The following EDIL3 variants were observed in gnomAD, a reference collection of about 807,000 sequenced individuals.
EDIL3 encodes the protein EGF-like repeat and discoidin I-like domain-containing protein 3.
Under a neutral mutation model 67.4 loss-of-function variants are expected in EDIL3, and 37 were observed. The ratio of observed to expected loss-of-function variants is 0.55; its 90% CI spans 0.42 to 0.72. EDIL3 has a LOEUF of 0.72. Ranked by LOEUF, EDIL3 falls within the 30% of genes least tolerant of loss-of-function variation. The probability of loss-of-function intolerance (pLI) is 0.00; values close to 1 mark genes in which losing one functional copy is unlikely to be tolerated. For synonymous variants in EDIL3, 195 were observed against 196.3 expected (o/e 0.99, Z 0.05); for missense variants, 527 against 586.3 (o/e 0.90, Z 1.04).
At chr5:84,173,603 C>T (rs944581610) in intron 4 of EDIL3, among the ~76,000 whole-genome samples, 1 of 152,112 alleles carries the variant, frequency 6.6e-6, no homozygotes, top group Non-Finnish European at 1.5e-5. Context: ...GTGGCTTCTC[C>T]ATCTGTGGAA....
intron 4 of EDIL3, among the ~76,000 whole-genome samples, chr5:84,161,261 T>C (rs1263427144): frequency 2.0e-5 from 3 of 152,054 alleles, no homozygotes; most frequent in Non-Finnish European, 4.4e-5. Context: ...GTTAAATAGA[T>C]AAACTGTTCC....
chr5:84,142,144 T>C (rs1447139361), intron 4 of EDIL3, among the ~76,000 whole-genome samples: 1 of 149,952 alleles, frequency 6.7e-6, no homozygotes, highest in Admixed American at 7.0e-5. Flanking sequence ...TGAAATTGAC[T>C]TTGGAGTGGT....
chr5:84,101,473 A>C (rs1747364783), intron 6 of EDIL3, among the ~76,000 whole-genome samples: 2 of 152,086 alleles, frequency 1.3e-5, no homozygotes, highest in Non-Finnish European at 2.9e-5. Flanking sequence ...AAAAGGGAGA[A>C]GATCCAAATA....
chr5:84,242,793 T>TAAAAA (rs373595978), intron 2 of EDIL3, among the ~76,000 whole-genome samples: 34 of 120,828 alleles, frequency 2.8e-4, no homozygotes, highest in African/African-American at 9.2e-4. Context: ...GACCCTATCT[T>TAAAAA]AAAAAAAAAA....
intron 5 of EDIL3, among the ~76,000 whole-genome samples, chr5:84,132,515 ATT>A (rs1491367970): frequency 5.5e-5 from 1 of 18,150 alleles, no homozygotes; most frequent in African/African-American, 1.6e-4. Flanking sequence ...TATAATATAT[ATT>A]TTAATATATA....
At chr5:84,206,185 A>T (rs1408722155) in intron 3 of EDIL3, among the ~76,000 whole-genome samples, 1 of 152,156 alleles carries the variant, frequency 6.6e-6, no homozygotes, top group African/African-American at 2.4e-5. Flanking sequence ...GTAGTCATTC[A>T]GGAGCAGGTT....
intron 1 of EDIL3, among the ~76,000 whole-genome samples, chr5:84,364,266 G>A (rs745706191): frequency 2.6e-5 from 4 of 152,048 alleles, no homozygotes; most frequent in Admixed American, 1.3e-4. Flanking sequence ...GAGAAGCTAC[G>A]GTCTCTATTT....
intron 9 of EDIL3, 108 bp downstream of exon 9, chr5:84,060,192 C>A: frequency 7.7e-7 from 1 of 1,291,820 alleles, no homozygotes; most frequent in Non-Finnish European, 1.1e-6. Context: ...AAGATGAAGG[C>A]ACATTTAAAT....
chr5:84,322,418 C>T (rs1746667504), intron 1 of EDIL3, among the ~76,000 whole-genome samples: 1 of 151,684 alleles, frequency 6.6e-6, no homozygotes, highest in Non-Finnish European at 1.5e-5. Flanking sequence ...ATGAAAAGTA[C>T]AATAACAGAA....
At chr5:84,025,633 T>C (rs1158170) in intron 9 of EDIL3, among the ~76,000 whole-genome samples, 171 of 152,260 alleles carry the variant, frequency 1.1e-3, no homozygotes, top group African/African-American at 3.4e-3. Flanking sequence ...ACCAAAAAGG[T>C]TGGGGTCCAC....
At chr5:84,247,082 T>G (rs1159156441) in intron 2 of EDIL3, among the ~76,000 whole-genome samples, 4 of 152,162 alleles carry the variant, frequency 2.6e-5, no homozygotes, top group Non-Finnish European at 2.9e-5. Flanking sequence ...GGAAAATTTC[T>G]TAGCAATCAT....
chr5:84,332,924 CAG>C (rs1258284370), intron 1 of EDIL3, among the ~76,000 whole-genome samples: 1 of 152,128 alleles, frequency 6.6e-6, no homozygotes, highest in Admixed American at 6.6e-5. Flanking sequence ...TAGTTTTTGA[CAG>C]GGGAAAAATT....
chr5:84,054,486 G>C (rs1409652680), intron 9 of EDIL3, among the ~76,000 whole-genome samples: 2 of 152,098 alleles, frequency 1.3e-5, no homozygotes, highest in Non-Finnish European at 1.5e-5. Flanking sequence ...AAGAAATAAA[G>C]GGTATTCAAT....
chr5:84,073,357 AAGG>A (rs1161605548), intron 6 of EDIL3, among the ~76,000 whole-genome samples: 2 of 152,100 alleles, frequency 1.3e-5, no homozygotes, highest in Non-Finnish European at 2.9e-5. Flanking sequence ...GGCAATTAGG[AAGG>A]AGAAGGAAAT....
At chr5:83,959,197 GTA>G (rs371670321) in intron 10 of EDIL3, among the ~76,000 whole-genome samples, 13 of 145,740 alleles carry the variant, frequency 8.9e-5, no homozygotes, top group Admixed American at 2.1e-4. Flanking sequence ...GTGTGGGTGT[GTA>G]TATATATATA....
intron 1 of EDIL3, among the ~76,000 whole-genome samples, chr5:84,358,760 C>A (rs1448858634): frequency 6.6e-6 from 1 of 151,798 alleles, no homozygotes; most frequent in Non-Finnish European, 1.5e-5. Context: ...CAGGCGCCTG[C>A]CACAAGGCCC....
At chr5:84,277,391 GA>G (rs1745603189) in intron 1 of EDIL3, among the ~76,000 whole-genome samples, 1 of 152,066 alleles carries the variant, frequency 6.6e-6, no homozygotes, top group Non-Finnish European at 1.5e-5. Flanking sequence ...CCAGTACTGT[GA>G]AAAATAAATT....
chr5:84,261,039 T>C (rs1202059624), intron 1 of EDIL3, among the ~76,000 whole-genome samples: 1 of 152,220 alleles, frequency 6.6e-6, no homozygotes, highest in Non-Finnish European at 1.5e-5. Flanking sequence ...TTCAATCTAT[T>C]GCTTTCTTGT....
intron 1 of EDIL3, among the ~76,000 whole-genome samples, chr5:84,302,790 A>T (rs1274506946): frequency 1.3e-5 from 2 of 152,220 alleles, no homozygotes; most frequent in Non-Finnish European, 2.9e-5. Flanking sequence ...CATGGAAACA[A>T]TAGTAAAAAC....
Sources: allele counts gnomAD v4.1 joint callset (sites outside exome capture counted in the v4.1 genomes callset), GRCh38; gene constraint gnomAD v4.1.1; transcripts MANE v1.5; gene names NCBI Gene and HGNC (gene_info 2026-07-23, HGNC 2026-07-21).